EXOSC9: variants seen among roughly 807,000 people sequenced by gnomAD.
EXOSC9 encodes the protein exosome complex component RRP45.
In EXOSC9, 38 loss-of-function variants were observed where a neutral mutation model predicts 56.5. The ratio of observed to expected loss-of-function variants is 0.67; its 90% confidence interval spans 0.52 to 0.88. The LOEUF is 0.88. EXOSC9 is among the 40% of genes least tolerant of loss of function. The probability of loss-of-function intolerance (pLI) is 0.00; values close to 1 mark genes in which losing one functional copy is unlikely to be tolerated. For missense variants in EXOSC9, 559 were observed against 530.5 expected, an observed-to-expected ratio of 1.05 and a Z score of -0.53; for synonymous variants, 170 against 170.8, an observed-to-expected ratio of 0.99 and a Z score of 0.04.
At chr4:121,806,148 T>G (rs1175769467) in intron 5 of EXOSC9, among the ~76,000 whole-genome samples, 1 of 136,082 alleles carries the variant, frequency 7.3e-6, no homozygotes, top group Non-Finnish European at 1.7e-5. Flanking sequence ...GGTTTGACCT[T>G]GTAATTTTTT....
intron 10 of EXOSC9, 178 bp downstream of exon 10, chr4:121,814,225 A>G (rs1279827084): frequency 2.4e-6 from 1 of 415,500 alleles, no homozygotes; most frequent in African/African-American, 2.0e-5. Context: ...GATACTATAT[A>G]GAGAGAATAT....
rs756751733 is a variant in EXOSC9, at chr4:121,813,941, T to C, written c.1050T>C (p.Leu350=). The part of the protein sequence containing the change: ...GEGVENSWGD[L]EDSEKEDDEG... ...GAGTAGAAAACTCCTGGGGTGATCT[T>C]GAAGACTCTGAGAAGGAAGATGATG... The change falls in exon 10 of 12, where the codon CTT becomes CTC. Residue 350 remains leucine, a synonymous_variant. Coordinates refer to ENST00000243498, the MANE Select transcript of EXOSC9 (RefSeq NM_005033.3). 1.2e-6 allele frequency: 2 copies of C among 1,613,682 alleles called. No homozygotes were observed. Among genetic ancestry groups the C allele is most frequent in the Non-Finnish European group, 1.7e-6 (2 of 1,179,656 alleles).
Position 121,804,771 on chromosome 4 carries a change from T to A in EXOSC9, c.522+12T>A. ...ATGAAGTAACACTGGTAAGCTCCTATGTGAACCAGGATCCTTGATATGAAT... is the reference window on the plus strand; with the variant it reads ...ATGAAGTAACACTGGTAAGCTCCTAAGTGAACCAGGATCCTTGATATGAAT... On this transcript the variant is annotated intron_variant, in intron 5 of 11. Transcript: ENST00000243498. 2 of 1,586,662 alleles carry A rather than the reference T, an allele frequency of 1.3e-6. No homozygotes were observed. Among genetic ancestry groups the A allele is most frequent in the East Asian group, 4.5e-5 (2 of 44,280 alleles).
chr4:121,804,358 T>G (rs1037114749), intron 4 of EXOSC9: 1 of 245,540 alleles, frequency 4.1e-6, no homozygotes, highest in Non-Finnish European at 7.8e-6. Flanking sequence ...TGTAATTAGA[T>G]TTGAGGTTAG....
chr4:121,810,753 A>G (rs1245073296), intron 7 of EXOSC9, among the ~76,000 whole-genome samples: 1 of 152,148 alleles, frequency 6.6e-6, no homozygotes, highest in Non-Finnish European at 1.5e-5. Flanking sequence ...GGTCCTGGCC[A>G]CTTGGGAGGC....
Position 121,804,663 on chromosome 4 carries a change from T to A in EXOSC9, c.426T>A (p.Asp142Glu). Residue 142 changes from aspartate to glutamate, a missense_variant, in exon 5 of 12, where the codon GAT becomes GAA. By Grantham distance (45) the Asp-to-Glu change is conservative. Transcript: ENST00000243498. The part of the protein sequence containing the change: ...IRVDLHLLNH[D>E]GNIIDAASIA... ...TAGACCTACATTTATTAAATCATGA[T>A]GGAAATATTATTGATGCTGCCAGCA... is the stretch of plus-strand genomic sequence containing the variant. 6.2e-7 allele frequency: 1 copy of A among 1,606,610 alleles called. No homozygotes were observed. Among genetic ancestry groups the A allele is most frequent in the Non-Finnish European group, 8.5e-7 (1 of 1,173,522 alleles).
At chr4:121,808,102 A>G (rs371295324) in intron 6 of EXOSC9, among the ~76,000 whole-genome samples, 26 of 152,332 alleles carry the variant, frequency 1.7e-4, no homozygotes, top group African/African-American at 6.3e-4. Flanking sequence ...CAGCGTTTTC[A>G]TTACTTAACT....
chr4:121,805,143 C>G (rs1726982018), intron 5 of EXOSC9, among the ~76,000 whole-genome samples: 1 of 152,192 alleles, frequency 6.6e-6, no homozygotes, highest in Non-Finnish European at 1.5e-5. Flanking sequence ...GAGGAATCAG[C>G]AGGTTCATAT....
chr4:121,807,440 A>G (rs1578500687), intron 5 of EXOSC9, 100 bp from the exon 6 acceptor site: 1 of 659,354 alleles, frequency 1.5e-6, no homozygotes, highest in East Asian at 2.8e-5. Context: ...ACTCAAAAGA[A>G]TAAAGGAACT....
Position 121,807,579 on chromosome 4 carries a change from C to T in EXOSC9, c.562C>T (p.His188Tyr). Reference sequence around the variant, plus strand: ...GCGTGATCCTGTACCATTAAGTATCCACCACATGCCCATTTGTGTCAGTTT... The same window carrying T: ...GCGTGATCCTGTACCATTAAGTATCTACCACATGCCCATTTGTGTCAGTTT... ...EERDPVPLSI[H>Y]HMPICVSFAF... The change falls in exon 6 of 12, where the codon CAC becomes TAC. Residue 188 changes from histidine to tyrosine, a missense_variant. Transcript: ENST00000243498. The T allele has an allele frequency of 6.2e-7, 1 of 1,613,436 alleles. No individual in the cohort carries two copies. Among genetic ancestry groups the T allele is most frequent in the Non-Finnish European group, 8.5e-7 (1 of 1,179,494 alleles).
chr4:121,804,176 C>CTTT (rs10707993), intron 4 of EXOSC9, among the ~76,000 whole-genome samples: 14 of 121,208 alleles, frequency 1.2e-4, no homozygotes, highest in South Asian at 5.1e-4. Context: ...AACTAAAAAA[C>CTTT]TTTTTTTTTT....
intron 9 of EXOSC9, 124 bp from the exon 10 acceptor site, chr4:121,813,742 T>A (rs1189105361): frequency 2.9e-6 from 2 of 690,766 alleles, no homozygotes; most frequent in Non-Finnish European, 4.7e-6. Context: ...ATATTAAGTT[T>A]TTTTTCCCCT....
Position 121,802,742 on chromosome 4 carries a change from T to A in EXOSC9, c.230T>A (p.Phe77Tyr). 2 of 1,614,166 alleles carry A rather than the reference T, an allele frequency of 1.2e-6. No individual in the cohort carries two copies. Among genetic ancestry groups the A allele is most frequent in the Non-Finnish European group, 1.7e-6 (2 of 1,180,004 alleles). The change falls in exon 3 of 12, where the codon TTT becomes TAT. Residue 77 changes from phenylalanine (F) to tyrosine (Y), a missense_variant. By Grantham distance (22) the Phe-to-Tyr change is conservative. Transcript: ENST00000243498. ...AATCGGGCAACAGAAGGTATTCTTTTTTTTAACCTTGAACTCTCTCAGATG... is the reference window on the plus strand; with the variant it reads ...AATCGGGCAACAGAAGGTATTCTTTATTTTAACCTTGAACTCTCTCAGATG... Reference protein sequence around the residue: ...KLNRATEGILFFNLELSQMAA... With the variant: ...KLNRATEGILYFNLELSQMAA...
intron 6 of EXOSC9, 174 bp from the exon 7 acceptor site, chr4:121,809,793 T>C (rs1035371225): frequency 2.7e-5 from 17 of 636,744 alleles, no homozygotes; most frequent in Middle Eastern, 3.0e-4. Flanking sequence ...TCATTTGTGT[T>C]CATAAACACA....
At chr4:121,814,761 A>G (rs1724424103) in intron 10 of EXOSC9, 1 of 152,210 alleles carries the variant, frequency 6.6e-6, no homozygotes, top group African/African-American at 2.4e-5. Flanking sequence ...TAGAACATAA[A>G]AAAATTCTAT....
intron 6 of EXOSC9, among the ~76,000 whole-genome samples, chr4:121,808,526 ATTTTTGTATTT>A (rs1349023234): frequency 6.6e-6 from 1 of 151,588 alleles, no homozygotes; most frequent in Non-Finnish European, 1.5e-5. Context: ...TGCCTAGCTA[ATTTTTGTATTT>A]TTTTTGTAAA....
intron 7 of EXOSC9, 56 bp from the exon 8 acceptor site, chr4:121,811,527 A>T: frequency 1.0e-6 from 1 of 999,572 alleles, no homozygotes; most frequent in Non-Finnish European, 1.5e-6. Flanking sequence ...TAGTTTCATT[A>T]GAGAAAACTA....
At chr4:121,815,583 A>G in intron 10 of EXOSC9, 1 of 985,442 alleles carries the variant, frequency 1.0e-6, no homozygotes, top group South Asian at 4.7e-5. Flanking sequence ...CAAAGTATAC[A>G]ATGGCCAGTA....
chr4:121,803,343 C>T (rs1431621816), intron 4 of EXOSC9, among the ~76,000 whole-genome samples: 2 of 151,994 alleles, frequency 1.3e-5, no homozygotes, highest in Admixed American at 1.3e-4. Flanking sequence ...TTCATATAAT[C>T]TCTCATTTTC....
Sources: allele counts gnomAD v4.1 joint callset (sites outside exome capture counted in the v4.1 genomes callset), GRCh38; gene constraint gnomAD v4.1.1; transcripts MANE v1.5; gene names NCBI Gene and HGNC (gene_info 2026-07-23, HGNC 2026-07-21).